Variants in GRK3 observed in about 807,000 individuals in gnomAD.
The protein encoded by GRK3 is G protein-coupled receptor kinase 3, also known as adrenergic, beta, receptor kinase 2.
Under a neutral mutation model 95.7 loss-of-function variants are expected in GRK3, and 54 were observed. That is an observed-to-expected ratio of 0.56 (90% CI 0.45 to 0.71). The LOEUF (loss-of-function observed/expected upper bound fraction) is 0.71. Among genes scored for constraint, GRK3 ranks in the 30% least tolerant of loss-of-function variants. The pLI is 0.00. For synonymous variants in GRK3, 281 were observed against 290.8 expected (o/e 0.97, Z 0.34); for missense variants, 649 against 851.2 (o/e 0.76, Z 2.96).
At chr22:25,687,976 C>T (rs996114481) in intron 11 of GRK3, among the ~76,000 whole-genome samples, 1 of 152,170 alleles carries the variant, frequency 6.6e-6, no homozygotes, top group Admixed American at 6.5e-5. Context: ...GTGGCTCATG[C>T]CTGTAATCCC....
At chr22:25,642,891 A>G (rs991994838) in intron 2 of GRK3, among the ~76,000 whole-genome samples, 4 of 152,222 alleles carry the variant, frequency 2.6e-5, no homozygotes, top group South Asian at 2.1e-4. Flanking sequence ...CCTTTCTTCA[A>G]GTGCCATACA....
intron 3 of GRK3, chr22:25,647,654 C>A: frequency 7.0e-7 from 1 of 1,418,720 alleles, no homozygotes; most frequent in Non-Finnish European, 1.0e-6. Context: ...TGGTGGGAAG[C>A]AAGATCAATC....
intron 9 of GRK3, among the ~76,000 whole-genome samples, chr22:25,681,180 T>C (rs928122014): frequency 1.3e-5 from 2 of 152,060 alleles, no homozygotes; most frequent in African/African-American, 4.8e-5. Context: ...TGAACCACAG[T>C]TGAGGATTTA....
intron 12 of GRK3, among the ~76,000 whole-genome samples, chr22:25,691,706 C>A (rs2085166010): frequency 6.6e-6 from 1 of 152,148 alleles, no homozygotes; most frequent in African/African-American, 2.4e-5. Flanking sequence ...AAATATGAAT[C>A]CAAGAGTTCA....
intron 6 of GRK3, among the ~76,000 whole-genome samples, chr22:25,670,802 C>A (rs900726439): frequency 6.6e-6 from 1 of 151,508 alleles, no homozygotes; most frequent in Non-Finnish European, 1.5e-5. Context: ...GCCTGTAATC[C>A]CAGCACTATG....
At chr22:25,707,682 G>A (rs187040013) in intron 15 of GRK3, among the ~76,000 whole-genome samples, 10 of 152,334 alleles carry the variant, frequency 6.6e-5, no homozygotes, top group South Asian at 2.1e-4. Flanking sequence ...GCAAAGCCAG[G>A]TCTCCTGGGC....
intron 18 of GRK3, among the ~76,000 whole-genome samples, chr22:25,717,080 T>A (rs188500082): frequency 2.0e-5 from 3 of 152,330 alleles, no homozygotes; most frequent in Admixed American, 1.3e-4. Context: ...TCGGGACCAC[T>A]GCTACACAGT....
intron 2 of GRK3, among the ~76,000 whole-genome samples, chr22:25,633,406 C>T (rs1000487002): frequency 1.3e-5 from 2 of 152,048 alleles, no homozygotes; most frequent in Non-Finnish European, 2.9e-5. Flanking sequence ...GGCCATCTTA[C>T]CAATATCAAG....
chr22:25,674,149 G>A (rs1425399633), intron 7 of GRK3, among the ~76,000 whole-genome samples: 1 of 152,112 alleles, frequency 6.6e-6, no homozygotes, highest in African/African-American at 2.4e-5. Flanking sequence ...TGTAATCTGG[G>A]ATTTGTGAGA....
Position 25,709,956 on chromosome 22 carries a change from T to C in GRK3, c.1387T>C (p.Leu463=). Reference sequence around the variant, plus strand: ...AGGTGTTGACTGGCAGCATGTCTACTTACAAAAGGTACTCACTCCCTCTTG... The same window carrying C: ...AGGTGTTGACTGGCAGCATGTCTACCTACAAAAGGTACTCACTCCCTCTTG... ...FKGVDWQHVY[L]QKYPPPLIPP... is the part of the protein sequence containing the mutation. The change falls in exon 16 of 21, where the codon TTA becomes CTA. Residue 463 remains leucine, a synonymous_variant. Coordinates refer to ENST00000324198, the MANE Select transcript of GRK3 (RefSeq NM_005160.4). 4 of 1,612,598 alleles carry C rather than the reference T, an allele frequency of 2.5e-6. No individual in the cohort carries two copies. The highest frequency in any genetic ancestry group is 3.4e-6 in the Non-Finnish European group (4 of 1,178,596).
chr22:25,713,404 G>C (rs2085359601), intron 17 of GRK3, among the ~76,000 whole-genome samples: 1 of 152,194 alleles, frequency 6.6e-6, no homozygotes, highest in South Asian at 2.1e-4. Flanking sequence ...TATTATAATA[G>C]ATCAATGAGA....
intron 7 of GRK3, among the ~76,000 whole-genome samples, chr22:25,673,705 A>G (rs1350789524): frequency 1.3e-5 from 2 of 151,976 alleles, no homozygotes; most frequent in Non-Finnish European, 2.9e-5. Context: ...GGTACTTGCT[A>G]TTGTCTTACG....
chr22:25,651,621 TA>T (rs1469631146), intron 3 of GRK3, among the ~76,000 whole-genome samples: 3 of 152,220 alleles, frequency 2.0e-5, no homozygotes, highest in African/African-American at 7.2e-5. Context: ...GTAATTTTTC[TA>T]AGTATATTCA....
chr22:25,620,725 A>T (rs1009885203), intron 2 of GRK3, among the ~76,000 whole-genome samples: 6 of 152,288 alleles, frequency 3.9e-5, no homozygotes, highest in African/African-American at 1.4e-4. Flanking sequence ...CTCCTCCTGG[A>T]GTCCATCTAA....
chr22:25,585,436 A>G lies in GRK3; in HGVS notation c.114-18941A>G, dbSNP rs182181246. ...CATTAATTAAAACTATTTATTATCA[A>G]TTACCAATTATCAATTCTAAAGCTG... is the stretch of plus-strand genomic sequence containing the variant. On this transcript the variant is annotated intron_variant, in intron 1 of 20. Coordinates refer to ENST00000324198, the MANE Select transcript of GRK3 (RefSeq NM_005160.4). Among the ~76,000 whole-genome samples the G allele has an allele frequency of 1.1e-4, 17 of 152,286 alleles. No individual in the cohort carries two copies. In the East Asian group the frequency reaches 3.3e-3, roughly 29 times the overall value.
chr22:25,657,127 AC>A (rs1249140210), intron 3 of GRK3, among the ~76,000 whole-genome samples: 1 of 152,170 alleles, frequency 6.6e-6, no homozygotes, highest in Non-Finnish European at 1.5e-5. Context: ...CCAGAGTAAC[AC>A]ATTTACATTT....
intron 1 of GRK3, among the ~76,000 whole-genome samples, chr22:25,577,672 C>T (rs951402649): frequency 8.5e-5 from 13 of 152,162 alleles, no homozygotes; most frequent in African/African-American, 2.9e-4. Flanking sequence ...TAGTAATGCA[C>T]GTGGAGCTTT....
At chr22:25,611,750 A>C (rs146754101) in intron 2 of GRK3, among the ~76,000 whole-genome samples, 73 of 151,958 alleles carry the variant, frequency 4.8e-4, no homozygotes, top group Non-Finnish European at 7.5e-4. Context: ...TCATTTTCCT[A>C]ATGGTGACTT....
intron 8 of GRK3, 131 bp from the exon 9 acceptor site, chr22:25,678,685 G>A (rs1444100563): frequency 1.3e-5 from 6 of 457,200 alleles, no homozygotes; most frequent in East Asian, 7.0e-5. Context: ...CTTGCATGGC[G>A]CTTGGGTATT....
Sources: allele counts gnomAD v4.1 joint callset (sites outside exome capture counted in the v4.1 genomes callset), GRCh38; gene constraint gnomAD v4.1.1; transcripts MANE v1.5; gene names NCBI Gene and HGNC (gene_info 2026-07-23, HGNC 2026-07-21).